The following INSL6 variants were observed in gnomAD, a reference collection of about 807,000 sequenced individuals.
INSL6 encodes insulin like 6, also known as insulin-like peptide INSL6.
INSL6 carries 16 observed loss-of-function variants against 9.4 expected under a neutral mutation model. The ratio of observed to expected loss-of-function variants is 1.70; its 90% confidence interval spans 1.15 to 2.59. INSL6 has a LOEUF of 2.59. Among genes scored for constraint, INSL6 ranks in the 30% most tolerant of loss-of-function variants. INSL6 has a pLI of 0.00. For synonymous variants in INSL6, 154 were observed against 96.9 expected (o/e 1.59, Z -3.46); for missense variants, 391 against 257.3 (o/e 1.52, Z -3.56).
intron 2 of INSL6, among the ~76,000 whole-genome samples, chr9:5,135,901 G>A (rs888041086): frequency 1.3e-5 from 2 of 151,848 alleles, no homozygotes; most frequent in Non-Finnish European, 2.9e-5. Flanking sequence ...CAAGAAAAGA[G>A]AGAAGAATCA....
the INSL6 span, among the ~76,000 whole-genome samples, chr9:5,050,253 G>A: frequency 2.0e-5 from 3 of 152,034 alleles, no homozygotes; most frequent in Admixed American, 6.6e-5. Context: ...AAATTGTATC[G>A]CAAAATGAAT....
chr9:5,028,116 A>G, the INSL6 span, among the ~76,000 whole-genome samples: 1 of 152,232 alleles, frequency 6.6e-6, no homozygotes, highest in Admixed American at 6.5e-5. Flanking sequence ...TGTGACAGCC[A>G]TAACCTTACT....
the INSL6 span, among the ~76,000 whole-genome samples, chr9:5,086,827 G>C: frequency 6.6e-6 from 1 of 152,036 alleles, no homozygotes; most frequent in African/African-American, 2.4e-5. Context: ...ACGTAAATTG[G>C]TGACCCTTTC....
chr9:5,037,109 C>G, the INSL6 span, among the ~76,000 whole-genome samples: 100 of 152,290 alleles, frequency 6.6e-4, no homozygotes, highest in Middle Eastern at 3.4e-3. Context: ...TGAAAAAATG[C>G]TCATCACCAC....
At chr9:5,115,022 G>C in the INSL6 span, among the ~76,000 whole-genome samples, 11 of 152,162 alleles carry the variant, frequency 7.2e-5, no homozygotes, top group African/African-American at 2.2e-4. Context: ...AGGACTTCAT[G>C]ACTAAAACAC....
At chr9:5,184,057 G>C (rs1047760507) in intron 1 of INSL6, among the ~76,000 whole-genome samples, 6 of 152,142 alleles carry the variant, frequency 3.9e-5, no homozygotes, top group African/African-American at 1.4e-4. Flanking sequence ...TAGTTTGATG[G>C]GTCGGTTTGA....
chr9:5,131,809 G>A (rs957067201), intron 3 of INSL6, among the ~76,000 whole-genome samples: 3 of 152,164 alleles, frequency 2.0e-5, no homozygotes, highest in Admixed American at 1.3e-4. Flanking sequence ...GGAGCCCACA[G>A]CTAAACGACA....
chr9:5,112,383 G>T, the INSL6 span: 1 of 425,684 alleles, frequency 2.3e-6, no homozygotes, highest in Non-Finnish European at 4.4e-6. Flanking sequence ...GGCCACTGGG[G>T]AAATCAAGCG....
At chr9:5,002,856 T>C in the INSL6 span, among the ~76,000 whole-genome samples, 1 of 152,160 alleles carries the variant, frequency 6.6e-6, no homozygotes, top group South Asian at 2.1e-4. Context: ...TTTTATGTTC[T>C]GCTTACAAGA....
chr9:5,024,965 G>T, the INSL6 span, among the ~76,000 whole-genome samples: 1 of 152,188 alleles, frequency 6.6e-6, no homozygotes, highest in African/African-American at 2.4e-5. Context: ...GTGGAGCCGG[G>T]GCTGGTGGGC....
chr9:5,066,591 T>G, the INSL6 span: 23 of 756,830 alleles, frequency 3.0e-5, no homozygotes, highest in South Asian at 3.3e-4. Flanking sequence ...CAGTTTTAGA[T>G]TTGACTTTTG....
chr9:5,035,510 C>T, the INSL6 span, among the ~76,000 whole-genome samples: 17 of 152,306 alleles, frequency 1.1e-4, no homozygotes, highest in East Asian at 3.1e-3. Context: ...CCGAATCCAG[C>T]AGCACATCAA....
chr9:5,091,952 G>C, the INSL6 span, among the ~76,000 whole-genome samples: 17 of 152,172 alleles, frequency 1.1e-4, 1 homozygote, highest in African/African-American at 3.9e-4. Context: ...GGATGAAGTA[G>C]GGATAATACT....
chr9:5,143,736 T>C lies in INSL6; in HGVS notation c.377-10144A>G, dbSNP rs111749142. ...GTGCAGTGGCATGATCTCAGCTCAC[T>C]ACAACCTCCACCTGCTGGGTTCAAG... On this transcript the variant is annotated intron_variant, in intron 2 of 3. Transcript: ENST00000649639. 4.8e-3 allele frequency among the ~76,000 whole-genome samples: 724 copies of C among 151,254 alleles called. 4 individuals carry two copies. The highest frequency in any genetic ancestry group is 0.015 in the African/African-American group (632 of 40,802).
At chr9:5,116,455 A>G in the INSL6 span, among the ~76,000 whole-genome samples, 1 of 152,224 alleles carries the variant, frequency 6.6e-6, no homozygotes, top group South Asian at 2.1e-4. Context: ...GTGAAACTAA[A>G]AAGTAAGACT....
At chr9:5,072,664 T>C in the INSL6 span, 1 of 1,473,928 alleles carries the variant, frequency 6.8e-7, no homozygotes, top group South Asian at 1.4e-5. Context: ...TAGTTTATGC[T>C]GTTTAAAGAT....
At chr9:5,147,917 G>A (rs1043775276) in intron 2 of INSL6, among the ~76,000 whole-genome samples, 1 of 152,054 alleles carries the variant, frequency 6.6e-6, no homozygotes, top group Non-Finnish European at 1.5e-5. Context: ...TCTTAAAATG[G>A]GTGTTTTGCC....
the INSL6 span, among the ~76,000 whole-genome samples, chr9:5,104,636 G>A: frequency 2.0e-5 from 3 of 152,186 alleles, no homozygotes; most frequent in African/African-American, 4.8e-5. Flanking sequence ...TATCCCTGAT[G>A]AACGTCGATG....
the INSL6 span, chr9:5,040,932 A>G: frequency 2.6e-6 from 1 of 383,560 alleles, no homozygotes; most frequent in South Asian, 2.2e-5. Context: ...CAGCCTGGCC[A>G]TGGCGGAGCC....
Sources: gnomAD v4.1 joint callset for allele counts (sites outside exome capture counted in the v4.1 genomes callset) on GRCh38, gnomAD v4.1.1 for gene constraint, MANE v1.5 for transcripts, NCBI Gene and HGNC (gene_info 2026-07-23, HGNC 2026-07-21) for gene names.